The following SNX27 variants were observed in gnomAD, a reference collection of about 807,000 sequenced individuals.
The protein encoded by SNX27 is sorting nexin 27, also known as sorting nexin-27.
SNX27 carries 22 observed loss-of-function variants against 71.6 expected under a neutral mutation model. The observed-to-expected ratio is 0.31, with a 90% CI of 0.22 to 0.44. SNX27 has a LOEUF of 0.44. Among genes scored for constraint, SNX27 ranks in the 20% least tolerant of loss-of-function variants. The pLI is 1.00. For synonymous variants in SNX27, 269 were observed against 277.2 expected, an observed-to-expected ratio of 0.97 and a Z score of 0.29; for missense variants, 531 against 698.6, an observed-to-expected ratio of 0.76 and a Z score of 2.70.
In SNX27 at chr1:151,696,885, A is replaced by G. The variant is rs936643810; in HGVS notation, c.*2468A>G. The stretch of plus-strand genomic sequence containing the variant: ...GGTTGGTTTTGAACTCCTGACCTCA[A>G]GTAATCTGCCCACCTCGGCCTCCCA... On this transcript the variant is annotated 3_prime_UTR_variant, in exon 12 of 12. Transcript: ENST00000458013. 2 of 152,012 alleles carry G rather than the reference A, an allele frequency of 1.3e-5. No individual in the cohort carries two copies. Among genetic ancestry groups the G allele is most frequent in the African/African-American group, 4.8e-5 (2 of 41,382 alleles). The allele number at this position is 152,012 out of a possible 1,614,324, so 9.4% of individuals were successfully genotyped here. A position where few individuals can be genotyped will look rare whatever the true frequency, so the allele number is the denominator to read the frequency against.
intron 1 of SNX27, among the ~76,000 whole-genome samples, chr1:151,622,871 C>G (rs1667737072): frequency 6.6e-6 from 1 of 152,146 alleles, no homozygotes; most frequent in African/African-American, 2.4e-5. Flanking sequence ...TTACTGAAGC[C>G]ACAACCTCCT....
intron 2 of SNX27, among the ~76,000 whole-genome samples, chr1:151,642,699 C>T (rs904994140): frequency 6.4e-4 from 97 of 151,708 alleles, no homozygotes; most frequent in African/African-American, 2.2e-3. Flanking sequence ...AGTGCAGTGG[C>T]GCAATCTTGG....
rs1239542866 is a variant in SNX27, at chr1:151,698,233, T to TGG, written c.*3817_*3818dup. ...TTCCTGTAGCTCCAAACCCAGCACTTGGAGCAGCAAAATAGGGCACTGACA... is the reference window on the plus strand; with the variant it reads ...TTCCTGTAGCTCCAAACCCAGCACTTGGGGAGCAGCAAAATAGGGCACTGACA... On this transcript the variant is annotated 3_prime_UTR_variant, in exon 12 of 12. Coordinates refer to ENST00000458013, the MANE Select transcript of SNX27 (RefSeq NM_001330723.2). 6.6e-6 allele frequency: 1 copy of TGG among 152,604 alleles called. No homozygotes were observed. The highest frequency in any genetic ancestry group is 1.5e-5 in the Non-Finnish European group (1 of 68,038). 9.5% of individuals were successfully genotyped at this position (152,604 alleles called of 1,614,324 possible).
intron 1 of SNX27, among the ~76,000 whole-genome samples, chr1:151,625,335 G>A (rs1318768385): frequency 2.6e-5 from 4 of 151,896 alleles, no homozygotes; most frequent in East Asian, 1.9e-4. Context: ...GTGAAACCCC[G>A]TCTTCATTAA....
intron 8 of SNX27, among the ~76,000 whole-genome samples, chr1:151,685,718 A>G (rs1671170220): frequency 6.6e-6 from 1 of 152,186 alleles, no homozygotes; most frequent in South Asian, 2.1e-4. Context: ...CAAACCAGTC[A>G]GCCATTGAAC....
intron 8 of SNX27, chr1:151,685,405 G>A (rs966652085): frequency 1.3e-5 from 2 of 152,076 alleles, no homozygotes; most frequent in South Asian, 2.1e-4. Flanking sequence ...ACAGCTGCGG[G>A]GCACGGTGGC....
intron 2 of SNX27, among the ~76,000 whole-genome samples, chr1:151,651,176 G>T (rs1205942026): frequency 6.6e-6 from 1 of 151,876 alleles, no homozygotes; most frequent in South Asian, 2.1e-4. Context: ...CAGTAGGGGC[G>T]GCTGGGCAGA....
At chr1:151,629,497 GTA>G (rs368335035) in intron 1 of SNX27, 1 of 148,552 alleles carries the variant, frequency 6.7e-6, no homozygotes, top group South Asian at 2.1e-4. Context: ...ACATGTATGC[GTA>G]TATATATACA....
intron 6 of SNX27, 129 bp from the exon 7 acceptor site, chr1:151,668,343 C>A: frequency 1.2e-6 from 1 of 845,030 alleles, no homozygotes; most frequent in East Asian, 2.7e-5. Context: ...GGCAGAACTC[C>A]TTGGTGGATT....
rs771102971 is a variant in SNX27 at position 151,662,265 on chromosome 1, T to C, written c.901T>C (p.Tyr301His). Residue 301 changes from tyrosine to histidine, a missense_variant, in exon 5 of 12, where the codon TAT (tyrosine) becomes CAT (histidine). By Grantham distance (83) the Tyr-to-His change is moderately conservative. This residue lies in a region of SNX27 where 184 missense variants were observed against 289.6 expected (regional missense o/e 0.64). Coordinates refer to ENST00000458013, the MANE Select transcript of SNX27 (RefSeq NM_001330723.2). ...AAAGAACAGTACTACAGACCAAGTATATCAGGTAAATTAAATGAACACGTA... is the reference window on the plus strand; with the variant it reads ...AAAGAACAGTACTACAGACCAAGTACATCAGGTAAATTAAATGAACACGTA... ...VKKNSTTDQVYQAIAAKVGMD... is the reference protein window; with the variant it reads ...VKKNSTTDQVHQAIAAKVGMD... The C allele has an allele frequency of 1.9e-6, 3 of 1,602,528 alleles. No individual in the cohort carries two copies. In the South Asian group the frequency reaches 3.3e-5, roughly 18 times the overall value.
chr1:151,633,972 G>GTT (rs770267309), intron 1 of SNX27, among the ~76,000 whole-genome samples: 9 of 143,924 alleles, frequency 6.3e-5, no homozygotes, highest in Admixed American at 7.0e-5. Context: ...GTGTATGTGT[G>GTT]TTTTTTTTTT....
intron 11 of SNX27, 154 bp downstream of exon 11, chr1:151,693,637 C>G (rs1251418759): frequency 3.1e-6 from 5 of 1,613,450 alleles, no homozygotes; most frequent in Non-Finnish European, 3.4e-6. Context: ...CCAGGACATT[C>G]TTCCAGCAAG....
intron 1 of SNX27, among the ~76,000 whole-genome samples, chr1:151,633,059 A>T (rs1304314957): frequency 6.6e-6 from 1 of 151,892 alleles, no homozygotes; most frequent in Non-Finnish European, 1.5e-5. Context: ...TTTCTAGTAG[A>T]GATGGGGTTT....
At position 151,661,230 on chromosome 1, in the gene SNX27, G is replaced by C. The variant is rs537221066; in HGVS notation, c.801+368G>C. 6 of 192,814 alleles carry C rather than the reference G, an allele frequency of 3.1e-5. No homozygotes were observed. In the South Asian group the frequency reaches 5.7e-4, roughly 18 times the overall value. 11.9% of individuals were successfully genotyped at this position (192,814 alleles called of 1,614,324 possible). The stretch of plus-strand genomic sequence containing the variant: ...TAGCTTACAAGAGTGTGAGCTACCT[G>C]TAGGTAAGAGCTAAATCTTGACCAT... On this transcript the variant is annotated intron_variant, in intron 4 of 11. Coordinates refer to ENST00000458013, the MANE Select transcript of SNX27 (RefSeq NM_001330723.2).
rs553869904 is a variant in SNX27 at position 151,691,466 on chromosome 1, GT to G, written c.1240-951del. Among the ~76,000 whole-genome samples the G allele has an allele frequency of 6.4e-3, 842 of 132,554 alleles. 4 individuals carry two copies. The highest frequency in any genetic ancestry group is 0.013 in the African/African-American group (473 of 36,184). The allele number at this position is 132,554 out of a possible 152,430, so 87.0% of individuals were successfully genotyped here. A position where few individuals can be genotyped will look rare whatever the true frequency, so the allele number is the denominator to read the frequency against. ...ATCTGTGTATCTTTTTGTTTTTCTG[GT>G]TTTTTTTTTTTTTTTTTCCTTGAGA... On this transcript the variant is annotated intron_variant, in intron 8 of 11. Transcript: ENST00000458013.
chr1:151,687,109 TTTCTC>T (rs1263206041), intron 8 of SNX27, among the ~76,000 whole-genome samples: 4 of 152,188 alleles, frequency 2.6e-5, no homozygotes, highest in African/African-American at 4.8e-5. Context: ...GAAACAATGT[TTTCTC>T]TTCTCTTCCT....
At chr1:151,684,589 T>C (rs1162864530) in intron 8 of SNX27, among the ~76,000 whole-genome samples, 1 of 152,228 alleles carries the variant, frequency 6.6e-6, no homozygotes, top group East Asian at 1.9e-4. Context: ...CACATGCAGT[T>C]GAAGTTTTTT....
At position 151,692,941 on chromosome 1, in the gene SNX27, A is replaced by G. The variant is rs1239091735; in HGVS notation, c.1420A>G (p.Met474Val). Reference sequence around the variant, plus strand: ...GGTAATTGCATTTGAATGGGATGAGATGCAGCGATGGGACACAGATGAAGA... The same window carrying G: ...GGTAATTGCATTTGAATGGGATGAGGTGCAGCGATGGGACACAGATGAAGA... The part of the protein sequence containing the change: ...NQVIAFEWDE[M>V]QRWDTDEEGM... Residue 474 changes from methionine (M) to valine (V), a missense_variant, in exon 10 of 12, where the codon ATG becomes GTG. By Grantham distance (21) the Met-to-Val change is conservative. Coordinates refer to ENST00000458013, the MANE Select transcript of SNX27 (RefSeq NM_001330723.2). 2 of 1,614,100 alleles carry G rather than the reference A, an allele frequency of 1.2e-6. No individual in the cohort carries two copies. The highest frequency in any genetic ancestry group is 1.7e-6 in the Non-Finnish European group (2 of 1,180,042).
rs190132214 is a variant in SNX27 at position 151,650,730 on chromosome 1, T to G, written c.544-7505T>G. ...AGTGAACAAAGGTCTCTGGTTTTCCTAGGCAGAGGACCCTGCGGCCTTCCG... is the reference window on the plus strand; with the variant it reads ...AGTGAACAAAGGTCTCTGGTTTTCCGAGGCAGAGGACCCTGCGGCCTTCCG... On this transcript the variant is annotated intron_variant, in intron 2 of 11. Coordinates refer to ENST00000458013, the MANE Select transcript of SNX27 (RefSeq NM_001330723.2). 7.5e-4 allele frequency among the ~76,000 whole-genome samples: 114 copies of G among 152,146 alleles called. 2 individuals carry two copies. The East Asian group carries it at 0.015, about 20-fold the overall frequency.
Sources: allele counts gnomAD v4.1 joint callset (sites outside exome capture counted in the v4.1 genomes callset), GRCh38; gene constraint gnomAD v4.1.1; regional missense constraint gnomAD v4.1.1; transcripts MANE v1.5; gene names NCBI Gene and HGNC (gene_info 2026-07-23, HGNC 2026-07-21).